The following DEPTOR variants were observed in gnomAD, a reference collection of about 807,000 sequenced individuals.
DEPTOR encodes DEP domain-containing mTOR-interacting protein.
A neutral mutation model predicts 41.6 loss-of-function variants in DEPTOR; 41 were observed. The ratio of observed to expected loss-of-function variants is 0.98; its 90% CI spans 0.77 to 1.28. DEPTOR has a LOEUF of 1.28. DEPTOR is among the 50% of genes most tolerant of loss of function. The probability of loss-of-function intolerance (pLI) is 0.00; values close to 1 mark genes in which losing one functional copy is unlikely to be tolerated. For missense variants in DEPTOR, 514 were observed against 527.9 expected (o/e 0.97, Z 0.26); for synonymous variants, 195 against 192.3 (o/e 1.01, Z -0.12).
intron 3 of DEPTOR, among the ~76,000 whole-genome samples, chr8:119,959,166 T>C (rs1326930340): frequency 3.5e-5 from 5 of 142,554 alleles, no homozygotes; most frequent in African/African-American, 7.9e-5. Context: ...TTCTTTTTTT[T>C]TTTTTTTTTT....
At chr8:119,881,918 G>T (rs1185462045) in intron 1 of DEPTOR, among the ~76,000 whole-genome samples, 1 of 152,054 alleles carries the variant, frequency 6.6e-6, no homozygotes, top group Admixed American at 6.6e-5. Flanking sequence ...TTGAGATAGG[G>T]TCTCACTCTG....
At chr8:119,891,926 G>A (rs140473322) in intron 1 of DEPTOR, among the ~76,000 whole-genome samples, 14 of 152,284 alleles carry the variant, frequency 9.2e-5, no homozygotes, top group African/African-American at 3.1e-4. Flanking sequence ...GGTCTTTCAG[G>A]TCATGTGTTT....
At chr8:120,047,872 C>A (rs550446290) in intron 8 of DEPTOR, among the ~76,000 whole-genome samples, 8 of 131,688 alleles carry the variant, frequency 6.1e-5, no homozygotes, top group Non-Finnish European at 1.0e-4. Context: ...ATGGCGAACC[C>A]CCTCTCTACC....
chr8:119,958,171 T>A (rs972439915), intron 3 of DEPTOR, among the ~76,000 whole-genome samples: 1 of 152,228 alleles, frequency 6.6e-6, no homozygotes, highest in African/African-American at 2.4e-5. Flanking sequence ...GTGGTTACTC[T>A]ATTGGTTTCA....
chr8:120,039,876 G>A lies in DEPTOR; in HGVS notation c.1102-9700G>A, dbSNP rs151052625. The stretch of plus-strand genomic sequence containing the variant: ...TTTTTGTTTTTTGAGACAGAGTCTC[G>A]CTCTGTTGCTCAGGCTGGAGTGCAA... On this transcript the variant is annotated intron_variant, in intron 8 of 8. Coordinates refer to ENST00000286234, the MANE Select transcript of DEPTOR (RefSeq NM_022783.4). Among the ~76,000 whole-genome samples the A allele has an allele frequency of 2.2e-3, 332 of 152,016 alleles. 2 individuals carry two copies. The highest frequency in any genetic ancestry group is 7.6e-3 in the African/African-American group (317 of 41,476).
At chr8:119,881,746 G>T (rs944239337) in intron 1 of DEPTOR, among the ~76,000 whole-genome samples, 9 of 152,126 alleles carry the variant, frequency 5.9e-5, no homozygotes, top group Non-Finnish European at 1.2e-4. Flanking sequence ...CTCCTAAACA[G>T]CAGAGAGATA....
chr8:119,877,396 T>C (rs1028099373), intron 1 of DEPTOR, among the ~76,000 whole-genome samples: 2 of 152,214 alleles, frequency 1.3e-5, no homozygotes, highest in African/African-American at 4.8e-5. Flanking sequence ...GTCGTATGCC[T>C]GGTTTCCTAG....
At position 120,003,072 on chromosome 8, in the gene DEPTOR, C is replaced by A; in HGVS notation, c.886C>A (p.Leu296Ile). The change falls in exon 6 of 9, where the codon CTC becomes ATC. Residue 296 changes from leucine to isoleucine, a missense_variant. By Grantham distance (5) the Leu-to-Ile change is conservative. Coordinates refer to ENST00000286234, the MANE Select transcript of DEPTOR (RefSeq NM_022783.4). The stretch of plus-strand genomic sequence containing the variant: ...CGGCTACTTCAGCAGCAGCCCCACC[C>A]TCAGCAGCAGCCCCCCTGTGCTCTG... ...SSGYFSSSPT[L>I]SSSPPVLCNP... 6.2e-7 allele frequency: 1 copy of A among 1,613,206 alleles called. No homozygotes were observed. The highest frequency in any genetic ancestry group is 8.5e-7 in the Non-Finnish European group (1 of 1,179,924).
intron 7 of DEPTOR, among the ~76,000 whole-genome samples, chr8:120,008,690 C>G (rs1812486107): frequency 6.6e-6 from 1 of 152,166 alleles, no homozygotes; most frequent in Non-Finnish European, 1.5e-5. Context: ...GACATTTCAA[C>G]CACGTTACGA....
At chr8:119,933,600 A>G (rs149237472) in intron 3 of DEPTOR, among the ~76,000 whole-genome samples, 1 of 151,962 alleles carries the variant, frequency 6.6e-6, no homozygotes, top group African/African-American at 2.4e-5. Flanking sequence ...TTACTGGCCC[A>G]TTTTCAGAGG....
chr8:120,010,598 A>C (rs1244342575), intron 8 of DEPTOR, among the ~76,000 whole-genome samples: 2 of 141,866 alleles, frequency 1.4e-5, no homozygotes, highest in African/African-American at 5.3e-5. Flanking sequence ...CCTGGGTGAC[A>C]GAGTGCAAGA....
At chr8:119,890,106 G>A (rs984892445) in intron 1 of DEPTOR, among the ~76,000 whole-genome samples, 6 of 151,310 alleles carry the variant, frequency 4.0e-5, no homozygotes, top group Admixed American at 1.3e-4. Context: ...CTGGGATTAC[G>A]GGCATGGGCC....
At chr8:119,998,948 A>T (rs1333810820) in intron 4 of DEPTOR, among the ~76,000 whole-genome samples, 19 of 114,304 alleles carry the variant, frequency 1.7e-4, no homozygotes, top group African/African-American at 7.7e-4. Context: ...AAAAATAGGA[A>T]AAAAAAAAAA....
intron 1 of DEPTOR, among the ~76,000 whole-genome samples, chr8:119,923,396 A>G (rs925522977): frequency 1.3e-5 from 2 of 152,148 alleles, no homozygotes; most frequent in East Asian, 1.9e-4. Flanking sequence ...GCTGTGTGCC[A>G]CAACACCCAG....
chr8:119,929,927 G>A lies in DEPTOR; in HGVS notation c.414G>A (p.Arg138=), dbSNP rs778314888. ...TGAAGGCCTTTATGAGAGGACAGAG[G>A]CTATATGAAAAGTATGTTCCGCATG... ...NEVKAFMRGQ[R]LYEKLMSPEN... The change falls in exon 3 of 9, where the codon AGG becomes AGA. Residue 138 remains arginine, a synonymous_variant. Transcript: ENST00000286234. 1.9e-6 allele frequency: 3 copies of A among 1,611,918 alleles called. No individual in the cohort carries two copies. The highest frequency in any genetic ancestry group is 2.7e-5 in the African/African-American group (2 of 74,878).
intron 1 of DEPTOR, among the ~76,000 whole-genome samples, chr8:119,894,128 G>T (rs1056802930): frequency 6.6e-6 from 1 of 152,110 alleles, no homozygotes; most frequent in African/African-American, 2.4e-5. Context: ...AAATGCTGTG[G>T]TGTGATGATG....
At chr8:119,985,001 A>T (rs1055294011) in intron 4 of DEPTOR, among the ~76,000 whole-genome samples, 7 of 152,198 alleles carry the variant, frequency 4.6e-5, no homozygotes, top group Non-Finnish European at 8.8e-5. Flanking sequence ...CCTGGCCTAC[A>T]TAGTGACTAA....
chr8:120,014,802 C>T (rs1247314190), intron 8 of DEPTOR, among the ~76,000 whole-genome samples: 2 of 152,002 alleles, frequency 1.3e-5, no homozygotes, highest in Non-Finnish European at 2.9e-5. Flanking sequence ...AGATTACAGG[C>T]GTAAACCACC....
At chr8:119,977,641 G>T (rs1222217008) in intron 4 of DEPTOR, among the ~76,000 whole-genome samples, 1 of 152,190 alleles carries the variant, frequency 6.6e-6, no homozygotes, top group East Asian at 1.9e-4. Flanking sequence ...GGAACAGGTT[G>T]CTTGATAGAG....
Sources: gnomAD v4.1 joint callset for allele counts (sites outside exome capture counted in the v4.1 genomes callset) on GRCh38, gnomAD v4.1.1 for gene constraint, MANE v1.5 for transcripts, NCBI Gene and HGNC (gene_info 2026-07-23, HGNC 2026-07-21) for gene names.